Variants in EPHX2 observed in about 807,000 individuals in gnomAD.
EPHX2 encodes the protein epoxide hydrolase 2, also known as bifunctional epoxide hydrolase 2.
A neutral mutation model predicts 78.7 loss-of-function variants in EPHX2; 74 were observed. The ratio of observed to expected loss-of-function variants is 0.94; its 90% confidence interval spans 0.78 to 1.14. The LOEUF is 1.14. Ranked by LOEUF, EPHX2 falls within the 50% of genes most tolerant of loss-of-function variation. The pLI, the probability that EPHX2 is intolerant of heterozygous loss-of-function variation, is 0.00. For synonymous variants in EPHX2, 251 were observed against 255.2 expected, an observed-to-expected ratio of 0.98 and a Z score of 0.16; for missense variants, 715 against 702.5, an observed-to-expected ratio of 1.02 and a Z score of -0.20.
At chr8:27,501,955 A>G (rs896461255) in intron 2 of EPHX2, among the ~76,000 whole-genome samples, 11 of 152,182 alleles carry the variant, frequency 7.2e-5, no homozygotes, top group African/African-American at 2.7e-4. Flanking sequence ...TTAACTTTTC[A>G]TGTGTATATA....
At chr8:27,519,053 A>AAG (rs2132752148) in intron 9 of EPHX2, among the ~76,000 whole-genome samples, 1 of 152,318 alleles carries the variant, frequency 6.6e-6, no homozygotes, top group South Asian at 2.1e-4. Context: ...AAAAACAAAC[A>AAG]AGATGGTGCT....
intron 11 of EPHX2, among the ~76,000 whole-genome samples, chr8:27,523,927 C>G (rs1431341083): frequency 6.8e-6 from 1 of 146,234 alleles, no homozygotes; most frequent in Non-Finnish European, 1.5e-5. Flanking sequence ...ACCCCCTTTT[C>G]TATTCCTGTT....
rs374793819 is a variant in EPHX2 at position 27,522,513 on chromosome 8, T to C, written c.1058+5T>C. The C allele has an allele frequency of 1.2e-6, 2 of 1,613,620 alleles. No individual in the cohort carries two copies. Among genetic ancestry groups the C allele is most frequent in the South Asian group, 1.1e-5 (1 of 91,004 alleles). ...CTTCTACCCCGAGAGAGTGAGGTAA[T>C]TGGGCCTCGGGCAATAAAGATTTGG... On this transcript the variant is annotated splice_donor_5th_base_variant and intron_variant, in intron 11 of 18. Coordinates refer to ENST00000521400, the MANE Select transcript of EPHX2 (RefSeq NM_001979.6).
intron 2 of EPHX2, among the ~76,000 whole-genome samples, chr8:27,501,776 G>C (rs528578821): frequency 6.6e-6 from 1 of 151,978 alleles, no homozygotes; most frequent in Non-Finnish European, 1.5e-5. Flanking sequence ...AAAATCCTGC[G>C]TTTCATTCAG....
At chr8:27,514,053 C>T (rs1048370099) in intron 6 of EPHX2, among the ~76,000 whole-genome samples, 1 of 152,166 alleles carries the variant, frequency 6.6e-6, no homozygotes, top group Non-Finnish European at 1.5e-5. Context: ...TGTGGTGGCT[C>T]ATGCCTGTAA....
intron 16 of EPHX2, 105 bp downstream of exon 16, chr8:27,541,647 A>G (rs1815406692): frequency 8.2e-7 from 1 of 1,212,324 alleles, no homozygotes; most frequent in East Asian, 2.4e-5. Context: ...GGTTGTGGAC[A>G]GATCTGCTGG....
chr8:27,500,824 C>G, intron 1 of EPHX2, 102 bp from the exon 2 acceptor site: 3 of 1,097,178 alleles, frequency 2.7e-6, no homozygotes, highest in Non-Finnish European at 4.0e-6. Context: ...GGCAGTATCC[C>G]TTTCTAGTGG....
chr8:27,500,439 G>A (rs1813722669), intron 1 of EPHX2, among the ~76,000 whole-genome samples: 1 of 152,156 alleles, frequency 6.6e-6, no homozygotes, highest in African/African-American at 2.4e-5. Flanking sequence ...ATAGCAGTGT[G>A]AGAACAGACT....
At chr8:27,519,577 G>C (rs1443259108) in intron 9 of EPHX2, among the ~76,000 whole-genome samples, 1 of 152,228 alleles carries the variant, frequency 6.6e-6, no homozygotes, top group Non-Finnish European at 1.5e-5. Context: ...CACTGTGCGT[G>C]TTTGGAGTCA....
intron 4 of EPHX2, among the ~76,000 whole-genome samples, chr8:27,506,145 T>G (rs922782991): frequency 6.6e-6 from 1 of 152,138 alleles, no homozygotes; most frequent in African/African-American, 2.4e-5. Flanking sequence ...CATACCACCA[T>G]GCATGGCTAA....
intron 3 of EPHX2, 110 bp from the exon 4 acceptor site, chr8:27,504,846 A>G: frequency 5.2e-6 from 6 of 1,156,090 alleles, no homozygotes; most frequent in Non-Finnish European, 7.5e-6. Context: ...AGAGATTAAT[A>G]AAAGTGAGCA....
In EPHX2 at chr8:27,538,877, G is replaced by C. The variant is rs188770467; in HGVS notation, c.1276+185G>C. ...CCCAGGCCTGAGCACACAGCCTGGA[G>C]TTCCTACCCTCTAGGGAGCTGTGGC... On this transcript the variant is annotated intron_variant, in intron 14 of 18. Coordinates refer to ENST00000521400, the MANE Select transcript of EPHX2 (RefSeq NM_001979.6). The C allele has an allele frequency of 1.4e-5, 9 of 633,010 alleles. No homozygotes were observed. In the East Asian group the frequency reaches 2.2e-4, roughly 16 times the overall value. The allele number at this position is 633,010 out of a possible 1,614,324, so 39.2% of individuals were successfully genotyped here.
chr8:27,502,546 G>A (rs917739966), intron 2 of EPHX2, among the ~76,000 whole-genome samples: 3 of 152,204 alleles, frequency 2.0e-5, no homozygotes, highest in African/African-American at 7.2e-5. Context: ...CAGTTCTGGA[G>A]GCTGGGAAGT....
intron 17 of EPHX2, 53 bp from the exon 18 acceptor site, chr8:27,544,133 A>G (rs1362040413): frequency 6.2e-7 from 1 of 1,602,742 alleles, no homozygotes; most frequent in African/African-American, 1.3e-5. Flanking sequence ...CTAGCTAGAG[A>G]CACACCCATC....
chr8:27,502,482 T>C (rs1349045926), intron 2 of EPHX2, among the ~76,000 whole-genome samples: 1 of 152,242 alleles, frequency 6.6e-6, no homozygotes, highest in Non-Finnish European at 1.5e-5. Context: ...AGCTGCTACC[T>C]ACAGCAAATA....
chr8:27,527,815 G>A (rs1814900966), intron 12 of EPHX2, among the ~76,000 whole-genome samples: 1 of 152,208 alleles, frequency 6.6e-6, no homozygotes, highest in Non-Finnish European at 1.5e-5. Context: ...AGCTACAGCT[G>A]TTTTTGAGCT....
chr8:27,527,466 G>A (rs534469987), intron 12 of EPHX2, among the ~76,000 whole-genome samples: 3 of 152,254 alleles, frequency 2.0e-5, no homozygotes, highest in South Asian at 2.1e-4. Context: ...GTACATTGTT[G>A]TGCAGCCATC....
intron 5 of EPHX2, among the ~76,000 whole-genome samples, chr8:27,510,888 G>A (rs1174675709): frequency 1.3e-5 from 2 of 152,152 alleles, no homozygotes; most frequent in Non-Finnish European, 2.9e-5. Context: ...GGTCAAGGCT[G>A]CAGTGAGCTG....
intron 11 of EPHX2, among the ~76,000 whole-genome samples, chr8:27,525,107 T>TGTGCGC (rs1491544464): frequency 6.0e-4 from 62 of 103,482 alleles, no homozygotes; most frequent in Middle Eastern, 5.3e-3. Flanking sequence ...TGTGTGTGTG[T>TGTGCGC]GCGCGCGCGC....
Sources: allele counts gnomAD v4.1 joint callset (sites outside exome capture counted in the v4.1 genomes callset), GRCh38; gene constraint gnomAD v4.1.1; transcripts MANE v1.5; gene names NCBI Gene and HGNC (gene_info 2026-07-23, HGNC 2026-07-21).